Variants in TTC6 observed in about 807,000 individuals in gnomAD.
The protein encoded by TTC6 is tetratricopeptide repeat protein 6.
TTC6 carries 172 observed loss-of-function variants against 210.4 expected under a neutral mutation model. The observed-to-expected ratio is 0.82, with a 90% confidence interval of 0.72 to 0.93. TTC6 has a LOEUF of 0.93. Ranked by LOEUF, TTC6 falls within the 40% of genes least tolerant of loss-of-function variation. The pLI is 0.00. For synonymous variants in TTC6, 804 were observed against 819.6 expected, an observed-to-expected ratio of 0.98 and a Z score of 0.32; for missense variants, 2,414 against 2,318.1, an observed-to-expected ratio of 1.04 and a Z score of -0.85.
chr14:37,728,424 A>C lies in TTC6; in HGVS notation c.1818+3422A>C, dbSNP rs1427931493. ...ATGAAACCCTATCACTACCAAAAAA[A>C]AAAAAAAAAAAAAAATTCTCCACTT... On this transcript the variant is annotated intron_variant, in intron 7 of 30. Coordinates refer to ENST00000553443, the Ensembl canonical transcript of TTC6. Among the ~76,000 whole-genome samples, 28 of 150,526 alleles carry C rather than the reference A, an allele frequency of 1.9e-4. 1 individual carries two copies. Among genetic ancestry groups the C allele is most frequent in the African/African-American group, 6.1e-4 (25 of 41,072 alleles).
chr14:37,796,725 T>G, intron 19 of TTC6, 62 bp from the exon 22 acceptor site: 2 of 1,463,704 alleles, frequency 1.4e-6, no homozygotes, highest in Non-Finnish European at 1.9e-6. Context: ...TCCCTTAGAA[T>G]AATTATATTC....
chr14:37,839,836 G>A (rs149765103), intron 29 of TTC6, among the ~76,000 whole-genome samples: 1 of 152,264 alleles, frequency 6.6e-6, no homozygotes, highest in African/African-American at 2.4e-5. Flanking sequence ...AAGGTGGAAG[G>A]AAGGGATCTA....
At position 37,644,688 on chromosome 14, in the gene TTC6, C is replaced by G. The variant is rs573968894; in HGVS notation, c.939+21685C>G. On this transcript the variant is annotated intron_variant, in intron 1 of 30. Coordinates refer to ENST00000553443, the Ensembl canonical transcript of TTC6. ...TGGCTCAAAGTGTTATTCACTCTTC[C>G]AGCAAAGTTTTTTGAGCACCTGCAA... Among the ~76,000 whole-genome samples the G allele has an allele frequency of 2.6e-5, 4 of 152,278 alleles. No homozygotes were observed. In the East Asian group the frequency reaches 7.7e-4, roughly 29 times the overall value.
chr14:37,837,447 C>G (rs1172147822), intron 29 of TTC6: 3 of 454,096 alleles, frequency 6.6e-6, no homozygotes, highest in East Asian at 7.1e-5. Context: ...TTCTGTCCCC[C>G]CTCCCCCCAA....
At chr14:37,746,380 C>T (rs1396462428) in intron 10 of TTC6, among the ~76,000 whole-genome samples, 1 of 152,208 alleles carries the variant, frequency 6.6e-6, no homozygotes, top group African/African-American at 2.4e-5. Context: ...CCTTAGAACT[C>T]ATTCCTCTAC....
At chr14:37,796,675 ATT>A in intron 19 of TTC6, 110 bp from the exon 22 acceptor site, 1 of 965,088 alleles carries the variant, frequency 1.0e-6, no homozygotes, top group East Asian at 2.9e-5. Context: ...TAATTTATTG[ATT>A]TGTTAATTCA....
intron 16 of TTC6, 61 bp from the exon 19 acceptor site, chr14:37,792,203 G>C (rs1595273478): frequency 7.9e-7 from 1 of 1,268,716 alleles, no homozygotes; most frequent in East Asian, 2.6e-5. Context: ...ATTCCTAATT[G>C]GAGAACATTT....
rs902713514 is a variant in TTC6, at chr14:37,730,513, T to C, written c.1819-5408T>C. Among the ~76,000 whole-genome samples the C allele has an allele frequency of 2.0e-5, 3 of 152,360 alleles. No homozygotes were observed. The South Asian group carries it at 6.2e-4, about 32-fold the overall frequency. On this transcript the variant is annotated intron_variant, in intron 7 of 30. Transcript: ENST00000553443. Reference sequence around the variant, plus strand: ...TTCCTGATAATTTTAATGTTCACTCTGTGCATCAATAATTACATAGATTTA... The same window carrying C: ...TTCCTGATAATTTTAATGTTCACTCCGTGCATCAATAATTACATAGATTTA...
upstream of TTC6, among the ~76,000 whole-genome samples, chr14:37,617,966 T>C (rs987568259): frequency 1.3e-5 from 2 of 152,184 alleles, no homozygotes; most frequent in African/African-American, 4.8e-5. Flanking sequence ...GTCTGGTAAT[T>C]CATATTACTT....
chr14:37,772,677 C>T (rs4901222), intron 14 of TTC6: 6,446 of 157,044 alleles, frequency 0.041, 399 homozygotes, highest in Admixed American at 0.17. Flanking sequence ...TCACGGTGCG[C>T]GCACCCACTG....
chr14:37,627,290 T>C (rs974642490), intron 1 of TTC6, among the ~76,000 whole-genome samples: 12 of 152,140 alleles, frequency 7.9e-5, no homozygotes, highest in African/African-American at 2.4e-4. Context: ...GGTATTTCTT[T>C]TTTTTTTAAA....
At chr14:37,686,571 C>T (rs999127595) in intron 3 of TTC6, among the ~76,000 whole-genome samples, 1 of 152,110 alleles carries the variant, frequency 6.6e-6, no homozygotes, top group African/African-American at 2.4e-5. Flanking sequence ...ATATCCAAAA[C>T]TGGGAAATTT....
intron 5 of TTC6, among the ~76,000 whole-genome samples, chr14:37,711,528 TC>T (rs2095844729): frequency 6.6e-6 from 1 of 152,158 alleles, no homozygotes; most frequent in Non-Finnish European, 1.5e-5. Flanking sequence ...TTTGCCTGTT[TC>T]CCCTATTGCT....
chr14:37,781,374 G>A (rs966558428), intron 14 of TTC6, among the ~76,000 whole-genome samples: 2 of 152,122 alleles, frequency 1.3e-5, no homozygotes, highest in Admixed American at 6.5e-5. Context: ...TTTCTCTAAT[G>A]ACCAGTGATG....
rs548677933 is a variant in TTC6, at chr14:37,835,436, G to T, written c.5299-6009G>T. Among the ~76,000 whole-genome samples, 3 of 152,172 alleles carry T rather than the reference G, an allele frequency of 2.0e-5. No individual in the cohort carries two copies. The South Asian group carries it at 6.2e-4, about 32-fold the overall frequency. ...AAATGAGAGTGTCAGGGATAATTAGGATCAAAATCTTTGAGAATTTGATGA... is the reference window on the plus strand; with the variant it reads ...AAATGAGAGTGTCAGGGATAATTAGTATCAAAATCTTTGAGAATTTGATGA... On this transcript the variant is annotated intron_variant, in intron 29 of 30. Coordinates refer to ENST00000553443, the Ensembl canonical transcript of TTC6.
intron 9 of TTC6, among the ~76,000 whole-genome samples, chr14:37,738,510 C>A (rs1173729073): frequency 1.3e-5 from 2 of 151,912 alleles, no homozygotes; most frequent in African/African-American, 4.8e-5. Context: ...TATAGAAAAT[C>A]ATAATACATA....
At chr14:37,668,146 A>G (rs1024067314) in intron 1 of TTC6, among the ~76,000 whole-genome samples, 1 of 149,926 alleles carries the variant, frequency 6.7e-6, no homozygotes, top group Non-Finnish European at 1.5e-5. Flanking sequence ...AAAAAAAAAA[A>G]TTTGGCTGGA....
At chr14:37,753,925 G>A (rs1246433030) in intron 14 of TTC6, among the ~76,000 whole-genome samples, 1 of 151,478 alleles carries the variant, frequency 6.6e-6, no homozygotes, top group Non-Finnish European at 1.5e-5. Flanking sequence ...TAAACTTCGT[G>A]CATTGTACCG....
intron 2 of TTC6, among the ~76,000 whole-genome samples, chr14:37,610,694 A>G (rs2095632847): frequency 6.6e-6 from 1 of 152,158 alleles, no homozygotes. Flanking sequence ...CCCACTCACC[A>G]TCACCGTCCC....
Sources: gnomAD v4.1 joint callset for allele counts (sites outside exome capture counted in the v4.1 genomes callset) on GRCh38, gnomAD v4.1.1 for gene constraint, MANE v1.5 for transcripts, NCBI Gene and HGNC (gene_info 2026-07-23, HGNC 2026-07-21) for gene names.